OPCML: variants seen among roughly 807,000 people sequenced by gnomAD.
OPCML encodes opioid binding protein/cell adhesion molecule like, also known as opioid-binding protein/cell adhesion molecule.
A neutral mutation model predicts 37.8 loss-of-function variants in OPCML; 13 were observed. The ratio of observed to expected loss-of-function variants is 0.34; its 90% confidence interval spans 0.22 to 0.55. The LOEUF (loss-of-function observed/expected upper bound fraction) is 0.55, where lower values mean the gene tolerates loss of function less well. Among genes scored for constraint, OPCML ranks in the 20% least tolerant of loss-of-function variants. OPCML has a pLI of 0.91. For missense variants in OPCML, 341 were observed against 435.6 expected (o/e 0.78, Z 1.93); for synonymous variants, 176 against 168.8 (o/e 1.04, Z -0.33).
At chr11:133,224,781 G>A (rs1378798157) in intron 1 of OPCML, among the ~76,000 whole-genome samples, 1 of 152,222 alleles carries the variant, frequency 6.6e-6, no homozygotes, top group African/African-American at 2.4e-5. Context: ...AGTACAAATG[G>A]GGGTCCTACC....
At chr11:133,276,791 T>C (rs1298507546) in intron 1 of OPCML, among the ~76,000 whole-genome samples, 2 of 152,196 alleles carry the variant, frequency 1.3e-5, no homozygotes, top group Non-Finnish European at 2.9e-5. Context: ...ATAACTTCTA[T>C]GACAGTTCTT....
rs989951114 is a variant in OPCML, at chr11:132,990,235, C to T, written c.62-47225G>A. On this transcript the variant is annotated intron_variant, in intron 1 of 7. Transcript: ENST00000524381. ...TAGTGGGTGCCTACAGGGCGTGCAC[C>T]GAGTCCTTTGTGTGCACAGAATGTT... Among the ~76,000 whole-genome samples, 6 of 152,130 alleles carry T rather than the reference C, an allele frequency of 3.9e-5. 1 individual carries two copies. Among genetic ancestry groups the T allele is most frequent in the South Asian group, 4.1e-4 (2 of 4,820 alleles).
intron 1 of OPCML, among the ~76,000 whole-genome samples, chr11:133,252,865 C>T (rs930095280): frequency 6.6e-5 from 10 of 152,100 alleles, no homozygotes; most frequent in African/African-American, 1.9e-4. Context: ...TAGTCTTCTT[C>T]GGCCAGGTAC....
chr11:132,556,791 A>G (rs1256493045), intron 3 of OPCML, among the ~76,000 whole-genome samples: 1 of 151,566 alleles, frequency 6.6e-6, no homozygotes, highest in Admixed American at 6.6e-5. Flanking sequence ...CTCCAAACCT[A>G]CTCCTGATAT....
At chr11:132,905,131 C>T (rs890276672) in intron 2 of OPCML, among the ~76,000 whole-genome samples, 11 of 152,042 alleles carry the variant, frequency 7.2e-5, no homozygotes, top group African/African-American at 2.7e-4. Flanking sequence ...AATTACATAC[C>T]CATTTTATAA....
intron 3 of OPCML, among the ~76,000 whole-genome samples, chr11:132,640,326 A>G (rs1940778536): frequency 6.6e-6 from 1 of 152,184 alleles, no homozygotes; most frequent in African/African-American, 2.4e-5. Context: ...GGATAAGCAC[A>G]AGAGGAGAGT....
intron 1 of OPCML, among the ~76,000 whole-genome samples, chr11:133,466,071 G>A (rs548892558): frequency 3.3e-5 from 5 of 152,298 alleles, no homozygotes; most frequent in African/African-American, 1.2e-4. Context: ...ATATTTGGCT[G>A]TATGGATCAC....
chr11:132,538,449 T>C (rs560732722), intron 3 of OPCML, among the ~76,000 whole-genome samples: 2 of 152,162 alleles, frequency 1.3e-5, no homozygotes, highest in Non-Finnish European at 2.9e-5. Context: ...GAGCTTCCTA[T>C]TGGAATTATA....
intron 3 of OPCML, among the ~76,000 whole-genome samples, chr11:132,646,046 T>C (rs938543607): frequency 6.6e-6 from 1 of 151,754 alleles, no homozygotes. Flanking sequence ...GTGTGTAGGA[T>C]GTAAATGTGG....
intron 1 of OPCML, among the ~76,000 whole-genome samples, chr11:133,043,988 C>T (rs1947957330): frequency 6.6e-6 from 1 of 152,236 alleles, no homozygotes; most frequent in Admixed American, 6.5e-5. Flanking sequence ...ACTGTTCTCA[C>T]TAGGCTTACC....
intron 1 of OPCML, among the ~76,000 whole-genome samples, chr11:133,286,707 G>C (rs936159587): frequency 3.9e-5 from 6 of 152,136 alleles, no homozygotes; most frequent in African/African-American, 1.4e-4. Context: ...CTAACCTCAA[G>C]AATGTGGAGC....
chr11:133,387,561 C>T (rs185962217), intron 1 of OPCML, among the ~76,000 whole-genome samples: 3 of 152,342 alleles, frequency 2.0e-5, no homozygotes, highest in Admixed American at 6.5e-5. Context: ...GTTGTGTAAA[C>T]TTGAGAAGTT....
chr11:132,678,266 G>A (rs942532520), intron 2 of OPCML, among the ~76,000 whole-genome samples: 1 of 152,206 alleles, frequency 6.6e-6, no homozygotes, highest in Non-Finnish European at 1.5e-5. Flanking sequence ...AGGATGTGGA[G>A]CAACAGGAAC....
intron 1 of OPCML, among the ~76,000 whole-genome samples, chr11:133,125,735 G>GACA (rs1565459769): frequency 2.1e-5 from 1 of 48,024 alleles, no homozygotes; most frequent in African/African-American, 7.0e-5. Context: ...AGTATATATA[G>GACA]TATATATATA....
At chr11:133,008,542 C>T (rs1339339145) in intron 1 of OPCML, 5 of 638,612 alleles carry the variant, frequency 7.8e-6, no homozygotes, top group Non-Finnish European at 9.7e-6. Context: ...CCCAGCTGAG[C>T]CTCTCTCTGG....
chr11:133,159,672 G>A (rs1036169286), intron 1 of OPCML, among the ~76,000 whole-genome samples: 29 of 152,180 alleles, frequency 1.9e-4, no homozygotes, highest in African/African-American at 4.6e-4. Context: ...AAACATTGTC[G>A]TAGTCTCCTA....
chr11:133,442,726 CGTGTGTGTGTGTGTGT>C (rs371441649), intron 1 of OPCML, among the ~76,000 whole-genome samples: 4 of 141,350 alleles, frequency 2.8e-5, no homozygotes, highest in South Asian at 2.4e-4. Context: ...CATATTTAAA[CGTGTGTGTGTGTGTGT>C]GTGTGTGTGT....
chr11:132,485,106 A>T (rs1365017214), intron 4 of OPCML, among the ~76,000 whole-genome samples: 1 of 151,962 alleles, frequency 6.6e-6, no homozygotes, highest in Non-Finnish European at 1.5e-5. Context: ...AATAAAAAAG[A>T]ATTAGTTCTT....
chr11:133,380,484 A>G (rs1301331884), intron 1 of OPCML, among the ~76,000 whole-genome samples: 1 of 152,190 alleles, frequency 6.6e-6, no homozygotes, highest in Non-Finnish European at 1.5e-5. Flanking sequence ...CTAACGAGGA[A>G]TACTTGAAAA....
Sources: allele counts gnomAD v4.1 joint callset (sites outside exome capture counted in the v4.1 genomes callset), GRCh38; gene constraint gnomAD v4.1.1; transcripts MANE v1.5; gene names NCBI Gene and HGNC (gene_info 2026-07-23, HGNC 2026-07-21).